Variants in ADAM12 observed in about 807,000 individuals in gnomAD.
The protein encoded by ADAM12 is disintegrin and metalloproteinase domain-containing protein 12.
ADAM12 carries 70 observed loss-of-function variants against 106.4 expected under a neutral mutation model. That is an observed-to-expected ratio of 0.66 (90% CI 0.54 to 0.80). The LOEUF (loss-of-function observed/expected upper bound fraction) is 0.80, where lower values mean the gene tolerates loss of function less well. Ranked by LOEUF, ADAM12 falls within the 30% of genes least tolerant of loss-of-function variation. The pLI is 0.00. For synonymous variants in ADAM12, 420 were observed against 433.5 expected (o/e 0.97, Z 0.39); for missense variants, 1,010 against 1,171.9 (o/e 0.86, Z 2.02).
chr10:126,223,301 A>G (rs1958131063), intron 3 of ADAM12, among the ~76,000 whole-genome samples: 1 of 152,216 alleles, frequency 6.6e-6, no homozygotes, highest in African/African-American at 2.4e-5. Context: ...AGTATTTCTC[A>G]TATTTCAGCT....
chr10:126,253,038 C>G (rs1414011260), intron 3 of ADAM12, among the ~76,000 whole-genome samples: 1 of 152,232 alleles, frequency 6.6e-6, no homozygotes, highest in Admixed American at 6.5e-5. Flanking sequence ...ATTATAGCTA[C>G]TGTCACATAA....
At chr10:126,189,018 T>G (rs1045171612) in intron 3 of ADAM12, among the ~76,000 whole-genome samples, 5 of 152,142 alleles carry the variant, frequency 3.3e-5, no homozygotes, top group African/African-American at 1.2e-4. Flanking sequence ...GTTCTAAGCA[T>G]CAGGTGCAGT....
intron 6 of ADAM12, among the ~76,000 whole-genome samples, chr10:126,110,572 G>A (rs895344359): frequency 2.6e-5 from 4 of 152,128 alleles, no homozygotes; most frequent in South Asian, 2.1e-4. Flanking sequence ...CAGGGATTTC[G>A]TAAGAGTGAG....
chr10:126,235,465 C>A (rs1334408491), intron 3 of ADAM12, among the ~76,000 whole-genome samples: 2 of 152,162 alleles, frequency 1.3e-5, no homozygotes, highest in South Asian at 2.1e-4. Flanking sequence ...CCAAGTCGGG[C>A]CCCTGGGTGT....
chr10:126,054,497 C>G (rs1483509077), intron 14 of ADAM12, among the ~76,000 whole-genome samples: 1 of 152,204 alleles, frequency 6.6e-6, no homozygotes, highest in Non-Finnish European at 1.5e-5. Flanking sequence ...CAGGGGGAAG[C>G]CTTGTTTTAT....
chr10:126,282,197 T>A (rs1959616676), intron 2 of ADAM12, among the ~76,000 whole-genome samples: 2 of 152,208 alleles, frequency 1.3e-5, no homozygotes, highest in African/African-American at 4.8e-5. Context: ...TGTATGTCTG[T>A]GTCCTGATCT....
At chr10:126,252,854 G>T (rs550254516) in intron 3 of ADAM12, among the ~76,000 whole-genome samples, 1 of 152,246 alleles carries the variant, frequency 6.6e-6, no homozygotes, top group African/African-American at 2.4e-5. Flanking sequence ...CAGGGACACT[G>T]AGCAGGTTGC....
At chr10:126,098,605 A>G in intron 9 of ADAM12, 105 bp from the exon 10 acceptor site, 1 of 976,708 alleles carries the variant, frequency 1.0e-6, no homozygotes, top group Non-Finnish European at 1.6e-6. Context: ...ACGCAAAAAT[A>G]AAAATAGCTG....
chr10:126,090,207 T>C (rs1772854997), intron 11 of ADAM12, among the ~76,000 whole-genome samples: 1 of 151,536 alleles, frequency 6.6e-6, no homozygotes, highest in African/African-American at 2.4e-5. Context: ...CACCTATCAG[T>C]GTGTAACAGT....
intron 11 of ADAM12, among the ~76,000 whole-genome samples, chr10:126,093,140 T>C (rs1220950764): frequency 6.6e-6 from 1 of 152,148 alleles, no homozygotes; most frequent in African/African-American, 2.4e-5. Context: ...TCAGTGTTCA[T>C]AAGGTTTCAA....
At chr10:126,245,861 A>G (rs76191188) in intron 3 of ADAM12, among the ~76,000 whole-genome samples, 7,408 of 152,264 alleles carry the variant, frequency 0.049, 254 homozygotes, top group Non-Finnish European at 0.073. Flanking sequence ...GGATGGGGTG[A>G]CAGGAGAGAG....
chr10:126,085,534 A>G (rs1017667981), intron 11 of ADAM12, among the ~76,000 whole-genome samples: 14 of 143,718 alleles, frequency 9.7e-5, no homozygotes, highest in Admixed American at 3.4e-4. Context: ...TTATCTGTCC[A>G]TTTCTATCTA....
chr10:126,195,431 C>T lies in ADAM12; in HGVS notation c.261-40126G>A, dbSNP rs1276198675. 2.0e-5 allele frequency among the ~76,000 whole-genome samples: 3 copies of T among 152,104 alleles called. No individual in the cohort carries two copies. The East Asian group carries it at 5.8e-4, about 29-fold the overall frequency. On this transcript the variant is annotated intron_variant, in intron 3 of 22. Transcript: ENST00000448723. ...CTCTACTAAAAATAGAAAAATTAGC[C>T]AGGTGTGGTGGTGTGTGCTTGTAAT... is the stretch of plus-strand genomic sequence containing the variant.
At chr10:126,287,200 T>C (rs561841414) in intron 2 of ADAM12, among the ~76,000 whole-genome samples, 1 of 152,324 alleles carries the variant, frequency 6.6e-6, no homozygotes, top group Admixed American at 6.5e-5. Flanking sequence ...CTGGTCTGCT[T>C]CTGTGCATCT....
intron 3 of ADAM12, among the ~76,000 whole-genome samples, chr10:126,182,648 A>C (rs1458479499): frequency 6.6e-6 from 1 of 152,202 alleles, no homozygotes; most frequent in African/African-American, 2.4e-5. Context: ...GATTTCATGT[A>C]AGTTGCTGCG....
chr10:126,374,211 A>T (rs776157884), intron 1 of ADAM12, among the ~76,000 whole-genome samples: 16 of 152,236 alleles, frequency 1.1e-4, no homozygotes, highest in Non-Finnish European at 2.1e-4. Flanking sequence ...TCCCTGAGGC[A>T]TCTGTCATGA....
intron 3 of ADAM12, among the ~76,000 whole-genome samples, chr10:126,211,159 G>A (rs1245459015): frequency 6.6e-6 from 1 of 152,142 alleles, no homozygotes; most frequent in East Asian, 1.9e-4. Flanking sequence ...GGGGTGGCTG[G>A]AGGTGATGCC....
At chr10:126,141,467 C>T (rs1464605435) in intron 4 of ADAM12, among the ~76,000 whole-genome samples, 1 of 144,790 alleles carries the variant, frequency 6.9e-6, no homozygotes, top group Non-Finnish European at 1.6e-5. Flanking sequence ...TACATCTTTT[C>T]CTTTTCAAAA....
chr10:126,224,426 C>G (rs1476422940), intron 3 of ADAM12, among the ~76,000 whole-genome samples: 1 of 152,162 alleles, frequency 6.6e-6, no homozygotes, highest in Admixed American at 6.5e-5. Flanking sequence ...GACTCTTTCC[C>G]CAGGGCCTTT....
Sources: gnomAD v4.1 joint callset for allele counts (sites outside exome capture counted in the v4.1 genomes callset) on GRCh38, gnomAD v4.1.1 for gene constraint, MANE v1.5 for transcripts, NCBI Gene and HGNC (gene_info 2026-07-23, HGNC 2026-07-21) for gene names.